The following MOBP variants were observed in gnomAD, a reference collection of about 807,000 sequenced individuals.
MOBP encodes myelin associated oligodendrocyte basic protein.
A neutral mutation model predicts 15.0 loss-of-function variants in MOBP; 5 were observed. The ratio of observed to expected loss-of-function variants is 0.33; its 90% CI spans 0.17 to 0.70. The LOEUF is 0.70. MOBP is among the 30% of genes least tolerant of loss of function. The probability of loss-of-function intolerance (pLI) is 0.67; values close to 1 mark genes in which losing one functional copy is unlikely to be tolerated. For synonymous variants in MOBP, 88 were observed against 99.0 expected (o/e 0.89, Z 0.66); for missense variants, 188 against 257.8 (o/e 0.73, Z 1.85).
At chr3:39,500,930 A>G (rs1221923020) in intron 2 of MOBP, among the ~76,000 whole-genome samples, 1 of 152,224 alleles carries the variant, frequency 6.6e-6, no homozygotes, top group Non-Finnish European at 1.5e-5. Flanking sequence ...AATATTTTTA[A>G]CATACATAAC....
intron 2 of MOBP, among the ~76,000 whole-genome samples, chr3:39,498,648 T>C (rs193002372): frequency 6.6e-6 from 1 of 152,290 alleles, no homozygotes; most frequent in African/African-American, 2.4e-5. Flanking sequence ...GAAAACATTA[T>C]TTTGAAAGTT....
At chr3:39,495,326 C>T (rs1158204188) in intron 2 of MOBP, among the ~76,000 whole-genome samples, 1 of 151,950 alleles carries the variant, frequency 6.6e-6, no homozygotes, top group Admixed American at 6.6e-5. Context: ...TGAAGAAGAA[C>T]TCATCCATAA....
intron 2 of MOBP, among the ~76,000 whole-genome samples, chr3:39,486,155 G>T (rs1198987166): frequency 1.3e-5 from 2 of 152,138 alleles, no homozygotes; most frequent in Non-Finnish European, 2.9e-5. Flanking sequence ...TGGTGTCAGG[G>T]TTAGGCATAC....
downstream of MOBP, among the ~76,000 whole-genome samples, chr3:39,517,977 G>A (rs2043223475): frequency 6.6e-6 from 1 of 152,224 alleles, no homozygotes; most frequent in South Asian, 2.1e-4. Flanking sequence ...AAAACAGGAA[G>A]CTACAGCTTA....
Position 39,502,258 on chromosome 3 carries a change from C to T in MOBP, c.189C>T (p.Cys63=), listed in dbSNP as rs1559424156. The T allele has an allele frequency of 1.9e-6, 3 of 1,614,168 alleles. No individual in the cohort carries two copies. Among genetic ancestry groups the T allele is most frequent in the Middle Eastern group, 1.7e-4 (1 of 6,026 alleles). The change falls in exon 3 of 4, where the codon TGC becomes TGT. Residue 63 remains cysteine (C), a synonymous_variant. Coordinates refer to ENST00000684792, the MANE Select transcript of MOBP (RefSeq NM_001393704.1). This position sits in a 1 kb window ranked among gnomAD's most constrained non-coding sequence, Gnocchi z 6.3. Reference sequence around the variant, plus strand: ...AGAAAGAGGAGGACTGGATCTGCTGCGCCTGCCAGAAGACCAGGTAAGCGG... The same window carrying T: ...AGAAAGAGGAGGACTGGATCTGCTGTGCCTGCCAGAAGACCAGGTAAGCGG... ...YQKKEEDWIC[C]ACQKTRTSRR... is the part of the protein sequence containing the mutation.
chr3:39,521,786 C>T (rs1478415141), intron 3 of MOBP, among the ~76,000 whole-genome samples: 4 of 152,232 alleles, frequency 2.6e-5, no homozygotes, highest in African/African-American at 9.6e-5. Context: ...TGCCAAAACT[C>T]ATGCAACTAC....
rs946891245 is a variant in MOBP, at chr3:39,468,827, A to G, written c.-89+1087A>G. 6.0e-5 allele frequency among the ~76,000 whole-genome samples: 7 copies of G among 116,050 alleles called. 1 individual carries two copies. The highest frequency in any genetic ancestry group is 5.6e-4 in the Admixed American group (7 of 12,566). 76.1% of individuals were successfully genotyped at this position (116,050 alleles called of 152,430 possible). ...ACATATGTGTGTGTATACATATTAC[A>G]TATGTGTGTATATATACATATATAC... On this transcript the variant is annotated intron_variant, in intron 1 of 3. Transcript: ENST00000684792.
chr3:39,504,891 A>G (rs970831651), downstream of MOBP, among the ~76,000 whole-genome samples: 1 of 152,248 alleles, frequency 6.6e-6, no homozygotes, highest in Non-Finnish European at 1.5e-5. Context: ...AAACAGTGCT[A>G]TTTCTGAGGT....
intron 2 of MOBP, among the ~76,000 whole-genome samples, chr3:39,498,126 G>A (rs912417536): frequency 6.6e-6 from 1 of 152,200 alleles, no homozygotes; most frequent in African/African-American, 2.4e-5. Flanking sequence ...TAATTTAACA[G>A]CCTGTATTTC....
At chr3:39,478,538 T>C (rs2042574637) in intron 1 of MOBP, among the ~76,000 whole-genome samples, 1 of 152,184 alleles carries the variant, frequency 6.6e-6, no homozygotes, top group Admixed American at 6.5e-5. Context: ...CCCTTCCAGA[T>C]TCCCACGGCC....
At chr3:39,475,434 C>A (rs1443716259) in intron 1 of MOBP, among the ~76,000 whole-genome samples, 1 of 152,138 alleles carries the variant, frequency 6.6e-6, no homozygotes, top group Non-Finnish European at 1.5e-5. Context: ...TTTCTCCTTA[C>A]ACTTTCACCT....
At chr3:39,513,419 G>A (rs918517943) in exon 5 of MOBP, 6 of 1,613,992 alleles carry the variant, frequency 3.7e-6, no homozygotes, top group Non-Finnish European at 5.1e-6. Context: ...CAAAGAAGAA[G>A]TGACCAAGGA....
chr3:39,482,651 C>CAAA (rs10576821), intron 2 of MOBP, among the ~76,000 whole-genome samples: 3 of 80,376 alleles, frequency 3.7e-5, no homozygotes, highest in South Asian at 4.7e-4. Flanking sequence ...CACTCTGTCT[C>CAAA]AAAAAAAAAA....
rs918416087 is a variant in MOBP at position 39,502,749 on chromosome 3, C to G, written c.421C>G (p.Pro141Ala). Residue 141 changes from proline (P) to alanine (A), a missense_variant, in exon 4 of 4, where the codon CCA (proline) becomes GCA (alanine). Physicochemically the swap from Pro to Ala is conservative, Grantham distance 27 (BLOSUM62 -1). Transcript: ENST00000684792. This position sits in a 1 kb window ranked among gnomAD's most constrained non-coding sequence, Gnocchi z 6.3. ...GTCTGAGCGTCAGCCACGTCCCCGCCCAGAGGTCCGACCACCGCCAGCCAA... is the reference window on the plus strand; with the variant it reads ...GTCTGAGCGTCAGCCACGTCCCCGCGCAGAGGTCCGACCACCGCCAGCCAA... ...PRSERQPRPR[P>A]EVRPPPAKQR... 7 of 1,535,608 alleles carry G rather than the reference C, an allele frequency of 4.6e-6. No individual in the cohort carries two copies. The African/African-American group carries it at 9.6e-5, about 21-fold the overall frequency.
At chr3:39,524,782 G>C (rs2043306032) in exon 5 of MOBP, 1 of 152,102 alleles carries the variant, frequency 6.6e-6, no homozygotes, top group Non-Finnish European at 1.5e-5. Flanking sequence ...AAATAGGAGA[G>C]AGATCATGAG....
intron 2 of MOBP, among the ~76,000 whole-genome samples, chr3:39,497,718 TGTTA>T (rs1472259375): frequency 6.6e-6 from 1 of 152,258 alleles, no homozygotes; most frequent in Non-Finnish European, 1.5e-5. Context: ...ACTTCTTCGC[TGTTA>T]GTTATTTGCT....
chr3:39,489,496 C>T (rs1396384867), intron 2 of MOBP, among the ~76,000 whole-genome samples: 1 of 152,158 alleles, frequency 6.6e-6, no homozygotes, highest in Non-Finnish European at 1.5e-5. Context: ...TGTGTATATT[C>T]TTTGCACATA....
At chr3:39,487,624 C>T (rs567611104) in intron 2 of MOBP, among the ~76,000 whole-genome samples, 11 of 148,698 alleles carry the variant, frequency 7.4e-5, no homozygotes, top group Admixed American at 3.4e-4. Context: ...CCCAGGTTCA[C>T]GCCATTCTTC....
chr3:39,501,506 GTT>G (rs1247949441), intron 2 of MOBP, among the ~76,000 whole-genome samples: 2 of 152,148 alleles, frequency 1.3e-5, no homozygotes, highest in Non-Finnish European at 2.9e-5. Flanking sequence ...CCATCGATTA[GTT>G]TTGCCTGTTC....
Sources: allele counts gnomAD v4.1 joint callset (sites outside exome capture counted in the v4.1 genomes callset), GRCh38; gene constraint gnomAD v4.1.1; non-coding constraint Gnocchi (gnomAD v3.1); transcripts MANE v1.5; gene names NCBI Gene and HGNC (gene_info 2026-07-23, HGNC 2026-07-21).